The following RARB variants were observed in gnomAD, a reference collection of about 807,000 sequenced individuals.
The protein encoded by RARB is retinoic acid receptor beta.
A neutral mutation model predicts 51.9 loss-of-function variants in RARB; 17 were observed. That is an observed-to-expected ratio of 0.33 (90% CI 0.22 to 0.49). The LOEUF is 0.49. Among genes scored for constraint, RARB ranks in the 20% least tolerant of loss-of-function variants. The probability of loss-of-function intolerance (pLI) is 0.99; values close to 1 mark genes in which losing one functional copy is unlikely to be tolerated. For synonymous variants in RARB, 215 were observed against 195.4 expected (o/e 1.10, Z -0.84); for missense variants, 369 against 550.8 (o/e 0.67, Z 3.30).
intron 2 of RARB, among the ~76,000 whole-genome samples, chr3:24,948,795 C>T (rs1695828398): frequency 6.6e-6 from 1 of 152,138 alleles, no homozygotes; most frequent in Non-Finnish European, 1.5e-5. Flanking sequence ...CCCCCTTCTC[C>T]CTCTCTTGCT....
chr3:24,971,577 T>A (rs1284211737), intron 2 of RARB, among the ~76,000 whole-genome samples: 1 of 152,060 alleles, frequency 6.6e-6, no homozygotes, highest in South Asian at 2.1e-4. Flanking sequence ...AGCTAAGTTT[T>A]TAAAAGAGTG....
chr3:25,244,213 A>G (rs1575250785), intron 5 of RARB, among the ~76,000 whole-genome samples: 1 of 148,468 alleles, frequency 6.7e-6, no homozygotes, highest in South Asian at 2.1e-4. Context: ...CTTCTTTATT[A>G]GTCTGGCTAG....
intron 2 of RARB, among the ~76,000 whole-genome samples, chr3:24,888,945 C>G (rs919988659): frequency 6.6e-6 from 1 of 152,170 alleles, no homozygotes; most frequent in Non-Finnish European, 1.5e-5. Flanking sequence ...TCTTATTTAA[C>G]TGGAAAACAG....
chr3:25,579,099 C>A (rs755580772), intron 4 of RARB, among the ~76,000 whole-genome samples: 4 of 152,158 alleles, frequency 2.6e-5, no homozygotes, highest in Non-Finnish European at 5.9e-5. Context: ...GCTCATATTT[C>A]TGGTTTTCTC....
chr3:25,471,098 G>A (rs1191269296), intron 2 of RARB, among the ~76,000 whole-genome samples: 3 of 152,100 alleles, frequency 2.0e-5, no homozygotes, highest in Admixed American at 1.3e-4. Context: ...ATAATGAATT[G>A]CATCTAATTA....
intron 5 of RARB, among the ~76,000 whole-genome samples, chr3:25,289,076 C>T (rs976997373): frequency 1.3e-5 from 2 of 152,166 alleles, no homozygotes; most frequent in Non-Finnish European, 2.9e-5. Context: ...GTTGCCTGGA[C>T]CAGCAGAGAA....
In RARB at chr3:25,017,220, C is replaced by G. The variant is rs28664970; in HGVS notation, c.-379-42905C>G. Reference sequence around the variant, plus strand: ...TACAAATTAACTAGCTTTCCCCCCCCCTTTCAGAACCTAAACCCCCAAATC... The same window carrying G: ...TACAAATTAACTAGCTTTCCCCCCCGCTTTCAGAACCTAAACCCCCAAATC... On this transcript the variant is annotated intron_variant, in intron 2 of 11. Coordinates refer to the RARB transcript ENST00000383772. Among the ~76,000 whole-genome samples, 483 of 149,344 alleles carry G rather than the reference C, an allele frequency of 3.2e-3. 4 individuals are homozygous for G. Among genetic ancestry groups the G allele is most frequent in the African/African-American group, 0.01 (414 of 39,584 alleles).
intron 5 of RARB, among the ~76,000 whole-genome samples, chr3:25,584,838 G>A (rs910077114): frequency 1.3e-5 from 2 of 152,112 alleles, no homozygotes; most frequent in African/African-American, 2.4e-5. Flanking sequence ...CACTTACCTC[G>A]TGGATGTGAG....
At chr3:25,153,170 G>A (rs1326463934) in intron 4 of RARB, among the ~76,000 whole-genome samples, 2 of 151,972 alleles carry the variant, frequency 1.3e-5, no homozygotes, top group African/African-American at 2.4e-5. Flanking sequence ...GCATGCGTGC[G>A]TGCATGCTTT....
intron 2 of RARB, among the ~76,000 whole-genome samples, chr3:24,969,964 C>G (rs1028620560): frequency 6.6e-6 from 1 of 151,908 alleles, no homozygotes; most frequent in Non-Finnish European, 1.5e-5. Flanking sequence ...CACTATATAC[C>G]ACGACCGAAT....
chr3:25,338,961 A>G (rs1002032126), intron 5 of RARB, among the ~76,000 whole-genome samples: 4 of 152,182 alleles, frequency 2.6e-5, no homozygotes, highest in African/African-American at 9.6e-5. Flanking sequence ...CATTCTGAGT[A>G]GTAGTGCTCA....
chr3:25,212,794 T>C (rs201556202), intron 5 of RARB, among the ~76,000 whole-genome samples: 3 of 152,280 alleles, frequency 2.0e-5, no homozygotes, highest in East Asian at 1.9e-4. Context: ...TACAAACCTA[T>C]GATTGTTAGC....
At chr3:25,467,407 C>T (rs1695485137) in intron 2 of RARB, among the ~76,000 whole-genome samples, 1 of 152,214 alleles carries the variant, frequency 6.6e-6, no homozygotes, top group Non-Finnish European at 1.5e-5. Flanking sequence ...GGCAGGATGA[C>T]CAGATCCTCT....
intron 5 of RARB, among the ~76,000 whole-genome samples, chr3:25,221,788 T>A (rs1701954153): frequency 6.6e-6 from 1 of 152,098 alleles, no homozygotes; most frequent in East Asian, 1.9e-4. Flanking sequence ...CAGTGGAAAG[T>A]GTGTGTTTTT....
chr3:25,122,789 G>A (rs1325726988), intron 3 of RARB, among the ~76,000 whole-genome samples: 1 of 152,118 alleles, frequency 6.6e-6, no homozygotes, highest in Non-Finnish European at 1.5e-5. Context: ...CTCAGCTGCA[G>A]TCCACCCCTC....
At chr3:25,583,348 G>A (rs904858154) in intron 5 of RARB, among the ~76,000 whole-genome samples, 15 of 152,182 alleles carry the variant, frequency 9.9e-5, no homozygotes, top group Non-Finnish European at 2.9e-5. Flanking sequence ...CAGGCGGATG[G>A]ACAGACAGAC....
At chr3:25,546,894 A>T (rs1362218096) in intron 3 of RARB, among the ~76,000 whole-genome samples, 1 of 152,112 alleles carries the variant, frequency 6.6e-6, no homozygotes, top group African/African-American at 2.4e-5. Flanking sequence ...CCTCTGTGTC[A>T]TCAAATAGTC....
intron 4 of RARB, among the ~76,000 whole-genome samples, chr3:25,580,143 GGC>G (rs1701108573): frequency 6.6e-6 from 1 of 152,228 alleles, no homozygotes; most frequent in Non-Finnish European, 1.5e-5. Flanking sequence ...GGGAGGCCGA[GGC>G]GGGTGAATCA....
intron 4 of RARB, among the ~76,000 whole-genome samples, chr3:25,156,410 G>A (rs543921599): frequency 2.0e-5 from 3 of 147,088 alleles, no homozygotes; most frequent in South Asian, 4.4e-4. Context: ...GCAGTAAAAT[G>A]TCATGGAAAT....
Sources: gnomAD v4.1 joint callset for allele counts (sites outside exome capture counted in the v4.1 genomes callset) on GRCh38, gnomAD v4.1.1 for gene constraint, MANE v1.5 for transcripts, NCBI Gene and HGNC (gene_info 2026-07-23, HGNC 2026-07-21) for gene names.